THSD7B: variants seen among roughly 807,000 people sequenced by gnomAD.
The protein encoded by THSD7B is thrombospondin type 1 domain containing 7B, also known as thrombospondin type-1 domain-containing protein 7B.
THSD7B carries 138 observed loss-of-function variants against 213.6 expected under a neutral mutation model. That is an observed-to-expected ratio of 0.65 (90% confidence interval 0.56 to 0.74). The LOEUF is 0.74. Among genes scored for constraint, THSD7B ranks in the 30% least tolerant of loss-of-function variants. THSD7B has a pLI of 0.00. For missense variants in THSD7B, 1,931 were observed against 1,991.5 expected (o/e 0.97, Z 0.58); for synonymous variants, 742 against 687.0 (o/e 1.08, Z -1.25).
chr2:136,927,865 G>T (rs946267823), intron 2 of THSD7B, among the ~76,000 whole-genome samples: 1 of 152,186 alleles, frequency 6.6e-6, no homozygotes, highest in Non-Finnish European at 1.5e-5. Context: ...CTAACGGAGG[G>T]TCAGCAAGTT....
chr2:136,960,736 A>C (rs1302748458), intron 2 of THSD7B, among the ~76,000 whole-genome samples: 3 of 152,112 alleles, frequency 2.0e-5, no homozygotes, highest in Non-Finnish European at 4.4e-5. Context: ...ATATCTTTAC[A>C]AAGAGAAGAA....
chr2:137,073,452 C>G (rs1310439892), intron 3 of THSD7B, among the ~76,000 whole-genome samples: 1 of 150,032 alleles, frequency 6.7e-6, no homozygotes, highest in Non-Finnish European at 1.5e-5. Context: ...GTGGTGATAT[C>G]CATTGCATCT....
chr2:137,676,578 A>T lies in THSD7B; in HGVS notation c.4794A>T (p.Leu1598Phe). The T allele has an allele frequency of 6.3e-7, 1 of 1,594,276 alleles. No homozygotes were observed. The highest frequency in any genetic ancestry group is 1.1e-5 in the South Asian group (1 of 87,114). The change falls in exon 28 of 28, where the codon TTA becomes TTT. Residue 1598 changes from leucine (L) to phenylalanine (F), a missense_variant. By Grantham distance (22) the Leu-to-Phe change is conservative. Coordinates refer to ENST00000409968, the MANE Select transcript of THSD7B (RefSeq NM_001316349.2). The part of the protein sequence containing the change: ...STPPQQKPLT[L>F]AYDGDLDM Reference sequence around the variant, plus strand: ...CTCCCCAACAGAAGCCTCTGACCTTAGCCTACGATGGAGACTTAGACATGT... The same window carrying T: ...CTCCCCAACAGAAGCCTCTGACCTTTGCCTACGATGGAGACTTAGACATGT...
intron 12 of THSD7B, among the ~76,000 whole-genome samples, chr2:137,379,376 G>A (rs1444629253): frequency 2.0e-5 from 3 of 152,158 alleles, no homozygotes; most frequent in Admixed American, 1.3e-4. Context: ...AGCAATTATG[G>A]TTTTATTGTT....
chr2:136,976,687 T>C (rs1685487207), intron 2 of THSD7B, among the ~76,000 whole-genome samples: 1 of 152,074 alleles, frequency 6.6e-6, no homozygotes. Context: ...AGTGGTACGA[T>C]CTCGGCTCAC....
chr2:137,455,906 C>A (rs907659162), intron 15 of THSD7B, among the ~76,000 whole-genome samples: 2 of 152,166 alleles, frequency 1.3e-5, no homozygotes, highest in Non-Finnish European at 2.9e-5. Context: ...GTTGGACTTA[C>A]ATTTCCCTTT....
chr2:136,795,839 G>A (rs373728480), intron 1 of THSD7B, among the ~76,000 whole-genome samples: 27 of 151,860 alleles, frequency 1.8e-4, no homozygotes, highest in African/African-American at 6.3e-4. Context: ...AGTGGTTACT[G>A]GAGAGATTTC....
intron 20 of THSD7B, among the ~76,000 whole-genome samples, chr2:137,633,422 CA>C (rs1402764470): frequency 3.9e-5 from 6 of 152,038 alleles, no homozygotes. Context: ...CAAATACATA[CA>C]ACAAATTTAT....
chr2:137,223,230 A>T (rs1386801507), intron 7 of THSD7B, among the ~76,000 whole-genome samples: 1 of 152,168 alleles, frequency 6.6e-6, no homozygotes, highest in Non-Finnish European at 1.5e-5. Flanking sequence ...GGACCAGAAG[A>T]TAGGAAAACT....
intron 18 of THSD7B, 70 bp from the exon 19 acceptor site, chr2:137,618,321 CA>C: frequency 8.3e-7 from 1 of 1,203,074 alleles, no homozygotes. Flanking sequence ...AGCAGATAAT[CA>C]AAGGTCTGTT....
intron 13 of THSD7B, among the ~76,000 whole-genome samples, chr2:137,407,501 ATGAAT>A (rs1686553933): frequency 6.6e-6 from 1 of 152,262 alleles, no homozygotes; most frequent in Non-Finnish European, 1.5e-5. Context: ...AATCCCACTA[ATGAAT>A]TGAAATATTT....
intron 5 of THSD7B, among the ~76,000 whole-genome samples, chr2:137,148,938 C>A (rs1679760647): frequency 6.6e-6 from 1 of 152,130 alleles, no homozygotes; most frequent in Admixed American, 6.5e-5. Flanking sequence ...GTCACCAAGA[C>A]AATGGGGAAA....
chr2:137,382,927 CCAGCCT>C (rs2104966429), intron 12 of THSD7B, among the ~76,000 whole-genome samples: 1 of 152,250 alleles, frequency 6.6e-6, no homozygotes, highest in South Asian at 2.1e-4. Context: ...CTGTTGAAGT[CCAGCCT>C]AGTACTGACA....
At chr2:137,207,624 C>G (rs1210399433) in intron 7 of THSD7B, among the ~76,000 whole-genome samples, 1 of 152,050 alleles carries the variant, frequency 6.6e-6, no homozygotes, top group African/African-American at 2.4e-5. Context: ...GCATGGCTTT[C>G]ATAATATGGC....
intron 2 of THSD7B, among the ~76,000 whole-genome samples, chr2:136,890,223 C>T (rs1328030545): frequency 6.6e-6 from 1 of 151,576 alleles, no homozygotes; most frequent in African/African-American, 2.4e-5. Context: ...TTGAGGTAAG[C>T]CTGTTTTCTT....
intron 1 of THSD7B, among the ~76,000 whole-genome samples, chr2:136,846,923 G>T (rs1683021099): frequency 6.6e-6 from 1 of 152,056 alleles, no homozygotes; most frequent in South Asian, 2.1e-4. Flanking sequence ...ATTCTCCTGG[G>T]TCTGTGTGTA....
chr2:137,447,694 G>A (rs533117103), intron 14 of THSD7B, among the ~76,000 whole-genome samples: 8 of 151,372 alleles, frequency 5.3e-5, no homozygotes, highest in African/African-American at 1.7e-4. Context: ...AGATTTTAGT[G>A]TATTCTCTCT....
chr2:137,491,164 A>AG (rs1264830662), intron 15 of THSD7B, among the ~76,000 whole-genome samples: 1 of 152,228 alleles, frequency 6.6e-6, no homozygotes, highest in Non-Finnish European at 1.5e-5. Context: ...AACCAAACAA[A>AG]GATTGGCTTT....
chr2:137,033,222 G>A (rs1468246701), intron 2 of THSD7B, among the ~76,000 whole-genome samples: 1 of 152,196 alleles, frequency 6.6e-6, no homozygotes, highest in Non-Finnish European at 1.5e-5. Flanking sequence ...GTTCTAGGCC[G>A]AACTTGCTCT....
Sources: allele counts gnomAD v4.1 joint callset (sites outside exome capture counted in the v4.1 genomes callset), GRCh38; gene constraint gnomAD v4.1.1; transcripts MANE v1.5; gene names NCBI Gene and HGNC (gene_info 2026-07-23, HGNC 2026-07-21).